The following ZNF516 variants were observed in gnomAD, a reference collection of about 807,000 sequenced individuals.
The protein encoded by ZNF516 is zinc finger protein 516.
ZNF516 carries 19 observed loss-of-function variants against 79.7 expected under a neutral mutation model. The observed-to-expected ratio is 0.24, with a 90% CI of 0.17 to 0.35. The LOEUF is 0.35. Among genes scored for constraint, ZNF516 ranks in the 10% least tolerant of loss-of-function variants. The pLI is 1.00. For synonymous variants in ZNF516, 877 were observed against 739.5 expected (o/e 1.19, Z -3.02); for missense variants, 1,678 against 1,679.5 (o/e 1.00, Z 0.02).
intron 3 of ZNF516, among the ~76,000 whole-genome samples, chr18:76,408,639 G>A (rs1568267931): frequency 6.6e-6 from 1 of 152,184 alleles, no homozygotes. Context: ...ACACCAAGAA[G>A]AACATGACCG....
At chr18:76,471,361 T>C (rs1913826514) in intron 1 of ZNF516, among the ~76,000 whole-genome samples, 1 of 152,150 alleles carries the variant, frequency 6.6e-6, no homozygotes, top group Non-Finnish European at 1.5e-5. Context: ...CTCTAACACC[T>C]GGCAAGAGAG....
intron 1 of ZNF516, among the ~76,000 whole-genome samples, chr18:76,494,273 G>C (rs1915387804): frequency 6.6e-6 from 1 of 152,128 alleles, no homozygotes; most frequent in Non-Finnish European, 1.5e-5. Context: ...AGTTCTCCCT[G>C]GAAATGGCAG....
chr18:76,453,766 G>T (rs540377513), intron 2 of ZNF516, among the ~76,000 whole-genome samples: 2 of 152,132 alleles, frequency 1.3e-5, no homozygotes, highest in East Asian at 1.9e-4. Flanking sequence ...GCAGAAACTC[G>T]TATTTTTTAA....
intron 3 of ZNF516, among the ~76,000 whole-genome samples, chr18:76,424,677 A>G (rs1435942825): frequency 7.3e-6 from 1 of 137,860 alleles, no homozygotes; most frequent in African/African-American, 2.8e-5. Flanking sequence ...AAACACACGC[A>G]GGTGAAAAGG....
chr18:76,451,605 G>A lies in ZNF516; in HGVS notation c.-157-8394C>T, dbSNP rs558057777. Among the ~76,000 whole-genome samples the A allele has an allele frequency of 1.2e-4, 19 of 152,268 alleles. No individual in the cohort carries two copies. Among genetic ancestry groups the A allele is most frequent in the African/African-American group, 2.9e-4 (12 of 41,568 alleles). On this transcript the variant is annotated intron_variant, in intron 2 of 6. Transcript: ENST00000443185. The surrounding 1 kb of genome is among the most constrained non-coding windows in gnomAD (Gnocchi z 6.0). ...ACGACTCTCAGACACGGTTGGTCCC[G>A]GCCACAGCTACTACGGGGTCGGCGC...
chr18:76,485,697 C>T (rs933284479), intron 1 of ZNF516, among the ~76,000 whole-genome samples: 3 of 151,994 alleles, frequency 2.0e-5, no homozygotes, highest in African/African-American at 7.2e-5. Flanking sequence ...TAAGAGCCAC[C>T]CTGTGAATTC....
At chr18:76,423,931 T>C (rs1222956357) in intron 3 of ZNF516, among the ~76,000 whole-genome samples, 1,210 of 29,776 alleles carry the variant, frequency 0.041, 1 homozygote, top group African/African-American at 0.12. Flanking sequence ...GAAACACACA[T>C]GCAGGTGAAA....
chr18:76,467,483 C>T lies in ZNF516; in HGVS notation c.-271-4342G>A, dbSNP rs1188636391. Among the ~76,000 whole-genome samples, 1 of 152,168 alleles carries T rather than the reference C, an allele frequency of 6.6e-6. No homozygotes were observed. The highest frequency in any genetic ancestry group is 6.5e-5 in the Admixed American group (1 of 15,280). Reference sequence around the variant, plus strand: ...CGCCCTAACTAGATATTAAGCACACCTCGGGGGCAGTGCTGGAATTACAGC... The same window carrying T: ...CGCCCTAACTAGATATTAAGCACACTTCGGGGGCAGTGCTGGAATTACAGC... On this transcript the variant is annotated intron_variant, in intron 1 of 6. Coordinates refer to ENST00000443185, the MANE Select transcript of ZNF516 (RefSeq NM_014643.4). This position sits in a 1 kb window ranked among gnomAD's most constrained non-coding sequence, Gnocchi z 4.2.
chr18:76,435,480 A>G (rs1715404647), intron 3 of ZNF516, among the ~76,000 whole-genome samples: 1 of 152,200 alleles, frequency 6.6e-6, no homozygotes, highest in South Asian at 2.1e-4. Context: ...GAGGACACCC[A>G]GGGCCCTGTG....
At chr18:76,490,215 TACAAGTA>T (rs1915084622) in intron 1 of ZNF516, 1 of 985,310 alleles carries the variant, frequency 1.0e-6, no homozygotes, top group Admixed American at 6.1e-5. Context: ...GACGTCCTCC[TACAAGTA>T]ACCCAACTCT....
chr18:76,458,543 CCT>C lies in ZNF516; in HGVS notation c.-158+4483_-158+4484del, dbSNP rs1912872633. ...AGACAGGTACGAAGGGAATCCCGTC[CCT>C]GAGAGGACCAAGGGCACAGGAGTAG... On this transcript the variant is annotated intron_variant, in intron 2 of 6. Transcript: ENST00000443185. 4.6e-5 allele frequency among the ~76,000 whole-genome samples: 7 copies of C among 152,364 alleles called. No individual in the cohort carries two copies. In the South Asian group the frequency reaches 1.4e-3, roughly 32 times the overall value.
chr18:76,408,498 G>T (rs1485141992), intron 3 of ZNF516, among the ~76,000 whole-genome samples: 1 of 152,174 alleles, frequency 6.6e-6, no homozygotes, highest in African/African-American at 2.4e-5. Flanking sequence ...TACACTGTGA[G>T]GTTTAAGGGA....
intron 3 of ZNF516, among the ~76,000 whole-genome samples, chr18:76,430,381 A>C (rs1364130838): frequency 6.6e-6 from 1 of 152,240 alleles, no homozygotes; most frequent in Non-Finnish European, 1.5e-5. Flanking sequence ...ATTAATTTTA[A>C]ATCAAAGGAA....
intron 2 of ZNF516, among the ~76,000 whole-genome samples, chr18:76,445,294 C>CCAAAACT (rs1309813499): frequency 6.6e-6 from 1 of 152,002 alleles, no homozygotes; most frequent in Non-Finnish European, 1.5e-5. Context: ...AAAACTTCCC[C>CCAAAACT]CAAAACTGGA....
chr18:76,491,212 C>T (rs1351621644), intron 1 of ZNF516: 1 of 676,558 alleles, frequency 1.5e-6, no homozygotes, highest in East Asian at 1.4e-4. Flanking sequence ...CCGCGCGGAC[C>T]CCCGCCTGCC....
chr18:76,430,109 C>T (rs780577417), intron 3 of ZNF516, among the ~76,000 whole-genome samples: 2 of 152,162 alleles, frequency 1.3e-5, no homozygotes, highest in Non-Finnish European at 2.9e-5. Context: ...CCTTTAACTG[C>T]ATTTCAAGGT....
At chr18:76,471,515 G>C (rs1913837786) in intron 1 of ZNF516, among the ~76,000 whole-genome samples, 2 of 152,182 alleles carry the variant, frequency 1.3e-5, no homozygotes, top group Admixed American at 1.3e-4. Flanking sequence ...CAAATTGGGA[G>C]GCCTTTTCCA....
At chr18:76,369,891 G>C (rs778911199) in intron 6 of ZNF516, among the ~76,000 whole-genome samples, 27 of 152,356 alleles carry the variant, frequency 1.8e-4, no homozygotes, top group Non-Finnish European at 2.5e-4. Context: ...GAGAATGCAA[G>C]AGACCCGCTG....
chr18:76,424,665 TGAAACACACGCAGGTGAAAAGGCTCCCCC>T (rs1303630478), intron 3 of ZNF516, among the ~76,000 whole-genome samples: 5 of 66,554 alleles, frequency 7.5e-5, no homozygotes, highest in Non-Finnish European at 1.1e-4. Context: ...GGTTCCCCCA[TGAAACACACGCAGGTGAAAAGGCTCCCCC>T]GAAACACACG....
Sources: allele counts gnomAD v4.1 joint callset (sites outside exome capture counted in the v4.1 genomes callset), GRCh38; gene constraint gnomAD v4.1.1; non-coding constraint Gnocchi (gnomAD v3.1); transcripts MANE v1.5; gene names NCBI Gene and HGNC (gene_info 2026-07-23, HGNC 2026-07-21).